UGT2B7: variants seen among roughly 807,000 people sequenced by gnomAD.
UGT2B7 encodes the protein UDP-glucuronosyltransferase 2B7.
Under a neutral mutation model 51.9 loss-of-function variants are expected in UGT2B7, and 51 were observed. The ratio of observed to expected loss-of-function variants is 0.98; its 90% CI spans 0.78 to 1.24. UGT2B7 has a LOEUF of 1.24. UGT2B7 is among the 50% of genes most tolerant of loss of function. The probability of loss-of-function intolerance (pLI) is 0.00; values close to 1 mark genes in which losing one functional copy is unlikely to be tolerated. For synonymous variants in UGT2B7, 225 were observed against 211.6 expected, an observed-to-expected ratio of 1.06 and a Z score of -0.55; for missense variants, 727 against 628.4, an observed-to-expected ratio of 1.16 and a Z score of -1.68.
intron 3 of UGT2B7, among the ~76,000 whole-genome samples, chr4:69,103,515 T>C (rs1351014230): frequency 6.6e-6 from 1 of 152,242 alleles, no homozygotes. Context: ...TACATACTGC[T>C]GAATTTAACT....
rs543716339 is a variant in UGT2B7 at position 69,064,114 on chromosome 4, A to G, written c.-159+12512A>G. Among the ~76,000 whole-genome samples the G allele has an allele frequency of 4.1e-3, 497 of 122,200 alleles. 16 individuals carry two copies. Among genetic ancestry groups the G allele is most frequent in the African/African-American group, 0.015 (438 of 28,736 alleles). 80.2% of individuals were successfully genotyped at this position (122,200 alleles called of 152,430 possible). On this transcript the variant is annotated intron_variant, in intron 1 of 5. Transcript: ENST00000502942. ...AAAGAAAGAGAAAGAAAGAAAGAAA[A>G]AGAAAGAAAGAAAGAAAGAAAGAAA...
intron 1 of UGT2B7, among the ~76,000 whole-genome samples, chr4:69,076,045 T>C (rs753752503): frequency 6.6e-5 from 10 of 152,154 alleles, no homozygotes; most frequent in African/African-American, 1.2e-4. Context: ...TTTTCTGTTC[T>C]TGTGATAGTT....
chr4:69,102,115 C>T (rs1161395993), intron 2 of UGT2B7, among the ~76,000 whole-genome samples: 1 of 152,174 alleles, frequency 6.6e-6, no homozygotes, highest in African/African-American at 2.4e-5. Context: ...GACTCCTGGA[C>T]TAATTCATAG....
intron 1 of UGT2B7, among the ~76,000 whole-genome samples, chr4:69,086,488 G>T (rs1343216951): frequency 1.3e-5 from 2 of 151,862 alleles, no homozygotes; most frequent in Non-Finnish European, 2.9e-5. Flanking sequence ...TCCGTGTTAG[G>T]TTTATCTTAC....
chr4:69,053,922 A>C (rs1718111724), intron 1 of UGT2B7, among the ~76,000 whole-genome samples: 1 of 152,140 alleles, frequency 6.6e-6, no homozygotes, highest in Non-Finnish European at 1.5e-5. Context: ...AAGAAAAGAA[A>C]ATAATAAGAT....
At chr4:69,072,291 G>T (rs1446840435) in intron 1 of UGT2B7, among the ~76,000 whole-genome samples, 1 of 152,044 alleles carries the variant, frequency 6.6e-6, no homozygotes, top group Non-Finnish European at 1.5e-5. Flanking sequence ...GTAGTCACAT[G>T]GAATCACTGA....
At chr4:69,091,012 C>T (rs1278053512) in intron 2 of UGT2B7, among the ~76,000 whole-genome samples, 3 of 152,178 alleles carry the variant, frequency 2.0e-5, no homozygotes, top group African/African-American at 4.8e-5. Flanking sequence ...TTGGGATGCT[C>T]TTCATATATC....
At chr4:69,096,426 CA>C, upstream of UGT2B7, 1 of 1,577,816 alleles carries the variant, frequency 6.3e-7, no homozygotes, top group East Asian at 2.2e-5. Context: ...ATAAGGGTTA[CA>C]TTTTAACTTC....
intron 1 of UGT2B7, among the ~76,000 whole-genome samples, chr4:69,051,840 T>G (rs562759838): frequency 6.6e-6 from 1 of 152,364 alleles, no homozygotes; most frequent in South Asian, 2.1e-4. Context: ...CTGGATACTT[T>G]GGTTTCGGTT....
rs553717047 is a variant in UGT2B7, at chr4:69,080,363, T to C, written c.-158-9109T>C. 3.0e-4 allele frequency among the ~76,000 whole-genome samples: 45 copies of C among 151,912 alleles called. 1 individual carries two copies. In the East Asian group the frequency reaches 8.0e-3, roughly 27 times the overall value. On this transcript the variant is annotated intron_variant, in intron 1 of 5. Transcript: ENST00000502942. ...AGGAGTTTGAGACCAGACTGGACAATGCGGTAAAACTCCGTCCCTGCTAAA... is the reference window on the plus strand; with the variant it reads ...AGGAGTTTGAGACCAGACTGGACAACGCGGTAAAACTCCGTCCCTGCTAAA...
intron 1 of UGT2B7, among the ~76,000 whole-genome samples, chr4:69,070,490 A>G (rs1718578098): frequency 6.6e-6 from 1 of 151,354 alleles, no homozygotes; most frequent in Non-Finnish European, 1.5e-5. Flanking sequence ...TGCAAGACAA[A>G]TTTTATTTTG....
intron 1 of UGT2B7, among the ~76,000 whole-genome samples, chr4:69,054,302 G>T (rs1433587043): frequency 6.6e-6 from 1 of 152,032 alleles, no homozygotes; most frequent in Non-Finnish European, 1.5e-5. Context: ...AAAACAAAAA[G>T]ACAGGGTTTC....
intron 1 of UGT2B7, among the ~76,000 whole-genome samples, chr4:69,081,025 C>G (rs556667979): frequency 6.6e-6 from 1 of 152,122 alleles, no homozygotes; most frequent in Non-Finnish European, 1.5e-5. Context: ...GAAACTCTAT[C>G]ACTTTACCCA....
intron 1 of UGT2B7, among the ~76,000 whole-genome samples, chr4:69,074,831 C>A (rs1718669211): frequency 6.6e-6 from 1 of 152,054 alleles, no homozygotes; most frequent in Admixed American, 6.6e-5. Context: ...ATTTTAACAA[C>A]TGGTGGACAT....
At chr4:69,051,956 G>A (rs902214996) in intron 1 of UGT2B7, among the ~76,000 whole-genome samples, 24 of 152,036 alleles carry the variant, frequency 1.6e-4, no homozygotes, top group Non-Finnish European at 3.4e-4. Flanking sequence ...TTTGTTTTGT[G>A]GTGTGTGTGT....
chr4:69,106,140 T>C (rs566800939), intron 3 of UGT2B7, among the ~76,000 whole-genome samples: 1 of 152,286 alleles, frequency 6.6e-6, no homozygotes, highest in East Asian at 1.9e-4. Flanking sequence ...CAAGGGGACA[T>C]GTGTAGTTTT....
At chr4:69,083,756 G>T (rs778700636) in intron 1 of UGT2B7, among the ~76,000 whole-genome samples, 1 of 152,002 alleles carries the variant, frequency 6.6e-6, no homozygotes, top group African/African-American at 2.4e-5. Flanking sequence ...TACTGGATTT[G>T]TTGATCAATT....
At chr4:69,087,667 T>C (rs984633417) in intron 1 of UGT2B7, among the ~76,000 whole-genome samples, 2 of 151,986 alleles carry the variant, frequency 1.3e-5, no homozygotes, top group Non-Finnish European at 2.9e-5. Flanking sequence ...GAAAATGTTA[T>C]CACTCTTTCA....
chr4:69,109,613 A>T (rs1294525185), intron 5 of UGT2B7, among the ~76,000 whole-genome samples: 1 of 152,064 alleles, frequency 6.6e-6, no homozygotes, highest in Non-Finnish European at 1.5e-5. Context: ...AGAACTATTT[A>T]TATATTATGG....
Sources: allele counts gnomAD v4.1 joint callset (sites outside exome capture counted in the v4.1 genomes callset), GRCh38; gene constraint gnomAD v4.1.1; transcripts MANE v1.5; gene names NCBI Gene and HGNC (gene_info 2026-07-23, HGNC 2026-07-21).